The following LONRF1 variants were observed in gnomAD, a reference collection of about 807,000 sequenced individuals.
LONRF1 encodes LON peptidase N-terminal domain and ring finger 1.
LONRF1 carries 37 observed loss-of-function variants against 85.8 expected under a neutral mutation model. The observed-to-expected ratio is 0.43, with a 90% CI of 0.33 to 0.57. The LOEUF (loss-of-function observed/expected upper bound fraction) is 0.57. Among genes scored for constraint, LONRF1 ranks in the 20% least tolerant of loss-of-function variants. LONRF1 has a pLI of 0.04. For synonymous variants in LONRF1, 517 were observed against 390.1 expected, an observed-to-expected ratio of 1.33 and a Z score of -3.83; for missense variants, 1,036 against 978.0, an observed-to-expected ratio of 1.06 and a Z score of -0.79.
chr8:12,729,780 T>C (rs1798458300), intron 8 of LONRF1, among the ~76,000 whole-genome samples: 1 of 152,236 alleles, frequency 6.6e-6, no homozygotes, highest in Non-Finnish European at 1.5e-5. Context: ...TTAAAAATTC[T>C]CAGCCATTAT....
At chr8:12,744,357 C>T (rs1269167135) in intron 1 of LONRF1, among the ~76,000 whole-genome samples, 5 of 152,032 alleles carry the variant, frequency 3.3e-5, no homozygotes, top group African/African-American at 1.2e-4. Context: ...TCAACGAAAA[C>T]ATTTAAAGAA....
chr8:12,750,981 T>C lies in LONRF1; in HGVS notation c.721+3719A>G, dbSNP rs180821609. Among the ~76,000 whole-genome samples the C allele has an allele frequency of 1.1e-4, 17 of 152,328 alleles. No homozygotes were observed. The East Asian group carries it at 1.3e-3, about 12-fold the overall frequency. ...ACTTAGCATGTTTTGACTCATTTGA[T>C]TCTCACAACACCCTATGAGGTAGAG... On this transcript the variant is annotated intron_variant, in intron 1 of 11. Transcript: ENST00000398246.
intron 10 of LONRF1, among the ~76,000 whole-genome samples, chr8:12,728,044 T>C (rs1444369221): frequency 6.6e-6 from 1 of 152,180 alleles, no homozygotes; most frequent in Non-Finnish European, 1.5e-5. Flanking sequence ...ATTCTATGAG[T>C]TAATGTTTGT....
At chr8:12,736,566 G>T in intron 6 of LONRF1, 135 bp downstream of exon 6, 1 of 625,396 alleles carries the variant, frequency 1.6e-6, no homozygotes, top group Non-Finnish European at 2.6e-6. Context: ...GTAAACCCAG[G>T]ACTAAAATTC....
At position 12,744,246 on chromosome 8, in the gene LONRF1, C is replaced by G. The variant is rs186604140; in HGVS notation, c.722-964G>C. 2.6e-5 allele frequency among the ~76,000 whole-genome samples: 4 copies of G among 152,192 alleles called. No individual in the cohort carries two copies. The East Asian group carries it at 7.7e-4, about 29-fold the overall frequency. ...GTTTACTCTAGTTTTTAGATGATTG[C>G]TTTTCTATTCAAAACTCTCACTTGA... On this transcript the variant is annotated intron_variant, in intron 1 of 11. Transcript: ENST00000398246.
chr8:12,755,266 A>T lies in LONRF1; in HGVS notation c.155T>A (p.Leu52His). The T allele has an allele frequency of 8.1e-7, 1 of 1,236,690 alleles. No individual in the cohort carries two copies. The highest frequency in any genetic ancestry group is 1.0e-6 in the Non-Finnish European group (1 of 992,278). The allele number at this position is 1,236,690 out of a possible 1,614,324, so 76.6% of individuals were successfully genotyped here. ...CAGCGCCAGCAGCTCCCCGCGGCGG[A>T]GCAGCAGCTCCCAGCGCTCCGACTC... ...AAESERWELL[L>H]RRGELLALGG... Residue 52 changes from leucine to histidine, a missense_variant, in exon 1 of 12, where the codon CTC (leucine) becomes CAC (histidine). Coordinates refer to ENST00000398246, the MANE Select transcript of LONRF1 (RefSeq NM_152271.5).
Position 12,736,882 on chromosome 8 carries a change from G to A in LONRF1, c.1354+18C>T, listed in dbSNP as rs1246796262. 3 of 1,595,338 alleles carry A rather than the reference G, an allele frequency of 1.9e-6. No homozygotes were observed. The highest frequency in any genetic ancestry group is 1.4e-5 in the African/African-American group (1 of 73,508). On this transcript the variant is annotated intron_variant, in intron 5 of 11. Transcript: ENST00000398246. ...CTAAATAAATTTATTTTATATAAGT[G>A]TAGAGCAAAATTTTTACCTCCTTGT...
rs1445734010 is a variant in LONRF1, at chr8:12,728,772, A to C, written c.2010+129T>G. 6 of 999,272 alleles carry C rather than the reference A, an allele frequency of 6.0e-6. No individual in the cohort carries two copies. The East Asian group carries it at 1.5e-4, about 24-fold the overall frequency. The allele number at this position is 999,272 out of a possible 1,614,324, so 61.9% of individuals were successfully genotyped here. On this transcript the variant is annotated intron_variant, in intron 10 of 11. Transcript: ENST00000398246. Reference sequence around the variant, plus strand: ...ATACGAAAAAGGTAACTTGGAGCACATTCTCATCACAGTGGTAAGGCTGTC... The same window carrying C: ...ATACGAAAAAGGTAACTTGGAGCACCTTCTCATCACAGTGGTAAGGCTGTC...
At position 12,755,131 on chromosome 8, in the gene LONRF1, T is replaced by C; in HGVS notation, c.290A>G (p.Tyr97Cys). The C allele has an allele frequency of 4.1e-6, 6 of 1,455,332 alleles. No individual in the cohort carries two copies. The highest frequency in any genetic ancestry group is 2.4e-4 in the Middle Eastern group (1 of 4,138). 90.2% of individuals were successfully genotyped at this position (1,455,332 alleles called of 1,614,324 possible). A position where few individuals can be genotyped will look rare whatever the true frequency, so the allele number is the denominator to read the frequency against. ...GALVDCLVFN[Y>C]RLRHGLGWSA... ...CCAGCCCAGCCCGTGGCGGAGCCGG[T>C]AGTTGAACACCAGGCAGTCCACCAG... is the stretch of plus-strand genomic sequence containing the variant. The change falls in exon 1 of 12, where the codon TAC becomes TGC. Residue 97 changes from tyrosine (Y) to cysteine (C), a missense_variant. This residue lies in a region of LONRF1 where 742 missense variants were observed against 614.4 expected (regional missense o/e 1.21). Coordinates refer to ENST00000398246, the MANE Select transcript of LONRF1 (RefSeq NM_152271.5).
At chr8:12,748,226 C>T (rs1318028030) in intron 1 of LONRF1, among the ~76,000 whole-genome samples, 2 of 152,098 alleles carry the variant, frequency 1.3e-5, no homozygotes, top group Non-Finnish European at 2.9e-5. Flanking sequence ...GAGAAAAGAT[C>T]TAAGATCTCA....
Position 12,737,030 on chromosome 8 carries a change from T to TAAA in LONRF1, c.1221_1223dup (p.Cys407_Leu408insPhe), listed in dbSNP as rs1345708329. On this transcript the variant is annotated inframe_insertion, in exon 5 of 12. Coordinates refer to ENST00000398246, the MANE Select transcript of LONRF1 (RefSeq NM_152271.5). ...GAACAGGTTCTGAGGACACTCTTTT[T>TAAA]AAACAGTCCTCTCTGGCAGGCATTT... is the stretch of plus-strand genomic sequence containing the variant. The TAAA allele has an allele frequency of 1.2e-6, 2 of 1,613,606 alleles. No homozygotes were observed. Among genetic ancestry groups the TAAA allele is most frequent in the Non-Finnish European group, 1.7e-6 (2 of 1,179,732 alleles).
At chr8:12,738,251 T>A in intron 3 of LONRF1, 107 bp from the exon 4 acceptor site, 2 of 739,994 alleles carry the variant, frequency 2.7e-6, no homozygotes, top group Non-Finnish European at 4.0e-6. Flanking sequence ...GTAGCAGACA[T>A]TTTTTTAATG....
intron 7 of LONRF1, among the ~76,000 whole-genome samples, chr8:12,733,140 A>G (rs1350934928): frequency 6.6e-6 from 1 of 152,138 alleles, no homozygotes; most frequent in African/African-American, 2.4e-5. Flanking sequence ...GCTGCTGGTC[A>G]GGGGAGCATG....
In LONRF1 at chr8:12,731,862, A is replaced by G; in HGVS notation, c.1567-5T>C. On this transcript the variant is annotated splice_region_variant and splice_polypyrimidine_tract_variant and intron_variant, in intron 7 of 11. Transcript: ENST00000398246. Reference sequence around the variant, plus strand: ...GTACCTCCTATCTGCTAGATACTAAAAGACAATATTATTTTACATTCCAGC... The same window carrying G: ...GTACCTCCTATCTGCTAGATACTAAGAGACAATATTATTTTACATTCCAGC... 1 of 1,606,822 alleles carries G rather than the reference A, an allele frequency of 6.2e-7. No individual in the cohort carries two copies. The highest frequency in any genetic ancestry group is 2.2e-5 in the East Asian group (1 of 44,810).
chr8:12,730,472 A>T (rs1563138423), intron 8 of LONRF1, among the ~76,000 whole-genome samples: 1 of 152,146 alleles, frequency 6.6e-6, no homozygotes, highest in Non-Finnish European at 1.5e-5. Context: ...CATGTTTAAA[A>T]TATGTGTTTT....
chr8:12,724,899 T>C (rs1798227474), intron 11 of LONRF1, among the ~76,000 whole-genome samples: 1 of 152,218 alleles, frequency 6.6e-6, no homozygotes, highest in African/African-American at 2.4e-5. Context: ...CAGACAAATG[T>C]AGACCAACCC....
In LONRF1 at chr8:12,722,912, C is replaced by A; in HGVS notation, c.*184G>T. On this transcript the variant is annotated 3_prime_UTR_variant, in exon 12 of 12. Coordinates refer to ENST00000398246, the MANE Select transcript of LONRF1 (RefSeq NM_152271.5). Reference sequence around the variant, plus strand: ...CAATGCGTGTTTTTCTGTGCAAGTTCTTAGTGGTCTAAATCCTAGTTGAAG... The same window carrying A: ...CAATGCGTGTTTTTCTGTGCAAGTTATTAGTGGTCTAAATCCTAGTTGAAG... 1 of 553,720 alleles carries A rather than the reference C, an allele frequency of 1.8e-6. No individual in the cohort carries two copies. The highest frequency in any genetic ancestry group is 3.2e-6 in the Non-Finnish European group (1 of 316,726). The allele number at this position is 553,720 out of a possible 1,614,324, so 34.3% of individuals were successfully genotyped here.
chr8:12,755,193 G>A lies in LONRF1; in HGVS notation c.228C>T (p.Arg76=). 7.7e-7 allele frequency: 1 copy of A among 1,296,192 alleles called. No individual in the cohort carries two copies. The highest frequency in any genetic ancestry group is 9.7e-7 in the Non-Finnish European group (1 of 1,029,344). 80.3% of individuals were successfully genotyped at this position (1,296,192 alleles called of 1,614,324 possible). Reference sequence around the variant, plus strand: ...ACTCGGGCCTGGCCGGGGCCCCGCGGCGCAGCGCCGCCGCGAACGCCTCCA... The same window carrying A: ...ACTCGGGCCTGGCCGGGGCCCCGCGACGCAGCGCCGCCGCGAACGCCTCCA... ...GALEAFAAAL[R]RGAPARPECL... Residue 76 remains arginine, a synonymous_variant, in exon 1 of 12, where the codon CGC becomes CGT. Transcript: ENST00000398246.
At chr8:12,733,299 T>C (rs904370565) in intron 7 of LONRF1, among the ~76,000 whole-genome samples, 6 of 138,186 alleles carry the variant, frequency 4.3e-5, no homozygotes, top group East Asian at 2.2e-4. Flanking sequence ...ATACAGCCAC[T>C]CTTACATTAC....
Sources: allele counts gnomAD v4.1 joint callset (sites outside exome capture counted in the v4.1 genomes callset), GRCh38; gene constraint gnomAD v4.1.1; regional missense constraint gnomAD v4.1.1; transcripts MANE v1.5; gene names NCBI Gene and HGNC (gene_info 2026-07-23, HGNC 2026-07-21).